GRAMD1C: variants seen among roughly 807,000 people sequenced by gnomAD.
GRAMD1C encodes GRAM domain containing 1C.
GRAMD1C carries 89 observed loss-of-function variants against 97.8 expected under a neutral mutation model. That is an observed-to-expected ratio of 0.91 (90% CI 0.77 to 1.09). The LOEUF (loss-of-function observed/expected upper bound fraction) is 1.09. Ranked by LOEUF, GRAMD1C falls within the 50% of genes least tolerant of loss-of-function variation. The pLI is 0.00. For synonymous variants in GRAMD1C, 256 were observed against 267.0 expected, an observed-to-expected ratio of 0.96 and a Z score of 0.40; for missense variants, 740 against 766.4, an observed-to-expected ratio of 0.97 and a Z score of 0.41.
intron 6 of GRAMD1C, among the ~76,000 whole-genome samples, chr3:113,887,096 G>T (rs13100404): frequency 0.65 from 60,769 of 93,212 alleles, 18,002 homozygotes; most frequent in Admixed American, 0.71. Flanking sequence ...TTTTTTTTTT[G>T]TTTTTTTTTT....
chr3:113,936,437 T>C lies in GRAMD1C; in HGVS notation c.1628T>C (p.Ile543Thr). Residue 543 changes from isoleucine (I) to threonine (T), a missense_variant, in exon 14 of 18, where the codon ATT (isoleucine) becomes ACT (threonine). Coordinates refer to ENST00000358160, the MANE Select transcript of GRAMD1C (RefSeq NM_017577.5). ...GTGGGCTTAGGTGCCAAAGGGGATA[T>C]TACAGGTAGTTGTCACCTGGTAAAC... is the stretch of plus-strand genomic sequence containing the variant. The part of the protein sequence containing the change: ...GDVGLGAKGD[I>T]TGKKKEMENY... 6.3e-7 allele frequency: 1 copy of C among 1,594,624 alleles called. No homozygotes were observed. The highest frequency in any genetic ancestry group is 1.1e-5 in the South Asian group (1 of 88,492).
At chr3:113,903,236 G>T (rs1406111246) in intron 7 of GRAMD1C, among the ~76,000 whole-genome samples, 1 of 151,782 alleles carries the variant, frequency 6.6e-6, no homozygotes, top group Non-Finnish European at 1.5e-5. Context: ...GCCTCCCAAA[G>T]TGTTGGGATT....
chr3:113,853,135 A>G (rs547416001), intron 2 of GRAMD1C, among the ~76,000 whole-genome samples: 4 of 152,356 alleles, frequency 2.6e-5, no homozygotes, highest in Admixed American at 6.5e-5. Flanking sequence ...GGAAATTCTC[A>G]AGAACACCAG....
At chr3:113,850,671 T>A in intron 2 of GRAMD1C, 1 of 1,601,068 alleles carries the variant, frequency 6.2e-7, no homozygotes, top group Non-Finnish European at 8.5e-7. Flanking sequence ...TTGGCCACCA[T>A]GACTCCCTCC....
chr3:113,919,969 T>C, intron 10 of GRAMD1C: 2 of 668,672 alleles, frequency 3.0e-6, no homozygotes, highest in South Asian at 2.8e-5. Flanking sequence ...AATGAGACTG[T>C]TTTTAGTGGG....
chr3:113,929,111 T>C (rs1937325169), intron 10 of GRAMD1C, among the ~76,000 whole-genome samples: 1 of 152,228 alleles, frequency 6.6e-6, no homozygotes, highest in Non-Finnish European at 1.5e-5. Flanking sequence ...TTCCAATTTA[T>C]CCACATCCTT....
chr3:113,836,800 C>T (rs888638873), upstream of GRAMD1C, among the ~76,000 whole-genome samples: 4 of 151,944 alleles, frequency 2.6e-5, no homozygotes, highest in African/African-American at 4.8e-5. Context: ...CTCACCATCA[C>T]GCCCGACTAA....
chr3:113,882,902 C>A, intron 6 of GRAMD1C, 70 bp downstream of exon 6: 1 of 704,584 alleles, frequency 1.4e-6, no homozygotes, highest in South Asian at 2.1e-5. Flanking sequence ...TTGAAGAGCT[C>A]CTTCTTATTT....
At chr3:113,943,700 G>T (rs992346752) in intron 17 of GRAMD1C, among the ~76,000 whole-genome samples, 2 of 152,204 alleles carry the variant, frequency 1.3e-5, no homozygotes, top group Non-Finnish European at 2.9e-5. Context: ...GATTGCCTGA[G>T]CTCAGAAGTT....
chr3:113,936,455 TG>T lies in GRAMD1C; in HGVS notation c.1633+15del. On this transcript the variant is annotated intron_variant, in intron 14 of 17. Transcript: ENST00000358160. Reference sequence around the variant, plus strand: ...GGGGATATTACAGGTAGTTGTCACCTGGTAAACAGAGATGAAAGATTTTTAC... The same window carrying T: ...GGGGATATTACAGGTAGTTGTCACCTGTAAACAGAGATGAAAGATTTTTAC... 1 of 1,545,092 alleles carries T rather than the reference TG, an allele frequency of 6.5e-7. No individual in the cohort carries two copies. Among genetic ancestry groups the T allele is most frequent in the Non-Finnish European group, 8.8e-7 (1 of 1,132,702 alleles).
intron 5 of GRAMD1C, among the ~76,000 whole-genome samples, chr3:113,881,842 A>T (rs978583683): frequency 6.6e-6 from 1 of 152,184 alleles, no homozygotes; most frequent in Non-Finnish European, 1.5e-5. Flanking sequence ...TCTTCTTTGT[A>T]AAAAGTTTTG....
At chr3:113,905,296 T>C (rs1458691550) in intron 8 of GRAMD1C, among the ~76,000 whole-genome samples, 6 of 152,208 alleles carry the variant, frequency 3.9e-5, no homozygotes, top group Non-Finnish European at 7.3e-5. Context: ...CACAACAATA[T>C]CTTCTAAGCA....
intron 7 of GRAMD1C, among the ~76,000 whole-genome samples, chr3:113,903,057 C>T (rs2399493): frequency 0.27 from 40,659 of 150,272 alleles, 6,371 homozygotes; most frequent in East Asian, 0.42. Context: ...CCTCTGCCTC[C>T]GGGTTCAAGC....
At chr3:113,943,479 CT>C (rs771955496) in intron 17 of GRAMD1C, among the ~76,000 whole-genome samples, 1 of 152,256 alleles carries the variant, frequency 6.6e-6, no homozygotes, top group South Asian at 2.1e-4. Flanking sequence ...CCCCTGACCC[CT>C]GGCACCCACT....
At chr3:113,885,326 T>C (rs1378772971) in intron 6 of GRAMD1C, 5 of 1,588,802 alleles carry the variant, frequency 3.1e-6, no homozygotes, top group African/African-American at 1.3e-5. Flanking sequence ...CTGCTGGGAC[T>C]GCGCACGTTC....
At chr3:113,858,718 T>C (rs1165443491) in intron 2 of GRAMD1C, among the ~76,000 whole-genome samples, 1 of 151,974 alleles carries the variant, frequency 6.6e-6, no homozygotes, top group South Asian at 2.1e-4. Flanking sequence ...GTATTTTTAG[T>C]AGCTGGGATT....
At position 113,945,725 on chromosome 3, in the gene GRAMD1C, A is replaced by C. The variant is rs1286410218; in HGVS notation, c.*247A>C. On this transcript the variant is annotated 3_prime_UTR_variant, in exon 18 of 18. Transcript: ENST00000358160. Reference sequence around the variant, plus strand: ...ATTTCTTCAGTGAACCATGAAATATATTATAGAACTGAATTTCTCTGATAC... The same window carrying C: ...ATTTCTTCAGTGAACCATGAAATATCTTATAGAACTGAATTTCTCTGATAC... 1 of 413,414 alleles carries C rather than the reference A, an allele frequency of 2.4e-6. No individual in the cohort carries two copies. The highest frequency in any genetic ancestry group is 4.8e-5 in the East Asian group (1 of 20,656). The allele number at this position is 413,414 out of a possible 1,614,324, so 25.6% of individuals were successfully genotyped here. A position where few individuals can be genotyped will look rare whatever the true frequency, so the allele number is the denominator to read the frequency against.
intron 13 of GRAMD1C, 129 bp from the exon 14 acceptor site, chr3:113,936,137 T>G (rs960127574): frequency 1.7e-6 from 1 of 593,142 alleles, no homozygotes; most frequent in Non-Finnish European, 2.9e-6. Context: ...AGTGTAAAAT[T>G]TGAATCTAGG....
At chr3:113,880,602 C>A (rs1380838276) in intron 5 of GRAMD1C, among the ~76,000 whole-genome samples, 1 of 152,046 alleles carries the variant, frequency 6.6e-6, no homozygotes, top group African/African-American at 2.4e-5. Context: ...CCTGACCATG[C>A]CCTCTTATGC....
Sources: allele counts gnomAD v4.1 joint callset (sites outside exome capture counted in the v4.1 genomes callset), GRCh38; gene constraint gnomAD v4.1.1; transcripts MANE v1.5; gene names NCBI Gene and HGNC (gene_info 2026-07-23, HGNC 2026-07-21).